Variants in TMEM175 observed in about 807,000 individuals in gnomAD.
TMEM175 encodes the protein transmembrane protein 175, also known as endosomal/lysosomal proton channel TMEM175.
In TMEM175, 36 loss-of-function variants were observed where a neutral mutation model predicts 36.5. The observed-to-expected ratio is 0.99, with a 90% CI of 0.76 to 1.30. TMEM175 has a LOEUF of 1.30. Among genes scored for constraint, TMEM175 ranks in the 50% most tolerant of loss-of-function variants. The probability of loss-of-function intolerance (pLI) is 0.00; values close to 1 mark genes in which losing one functional copy is unlikely to be tolerated. For synonymous variants in TMEM175, 339 were observed against 313.4 expected, an observed-to-expected ratio of 1.08 and a Z score of -0.86; for missense variants, 705 against 692.8, an observed-to-expected ratio of 1.02 and a Z score of -0.20.
chr4:939,183 A>G (rs1577385400), intron 1 of TMEM175, among the ~76,000 whole-genome samples: 1 of 152,282 alleles, frequency 6.6e-6, no homozygotes, highest in Admixed American at 6.5e-5. Context: ...ACAGGTATCT[A>G]TGCTGAATTG....
At chr4:953,975 C>T (rs148124130) in intron 8 of TMEM175, among the ~76,000 whole-genome samples, 9 of 152,024 alleles carry the variant, frequency 5.9e-5, no homozygotes, top group East Asian at 1.9e-4. Context: ...TGAGCCACCA[C>T]GCCAGCCTTT....
At chr4:943,261 T>A (rs1727741794) in intron 1 of TMEM175, among the ~76,000 whole-genome samples, 1 of 152,154 alleles carries the variant, frequency 6.6e-6, no homozygotes, top group African/African-American at 2.4e-5. Context: ...ATTATTACTA[T>A]TTTTTTCCTA....
At chr4:954,045 C>T (rs973069007) in intron 8 of TMEM175, among the ~76,000 whole-genome samples, 1 of 151,350 alleles carries the variant, frequency 6.6e-6, no homozygotes, top group Non-Finnish European at 1.5e-5. Context: ...CTGGAGTGCA[C>T]TGGCGCAATC....
chr4:944,215 C>T (rs963727319), intron 1 of TMEM175, among the ~76,000 whole-genome samples: 1 of 152,168 alleles, frequency 6.6e-6, no homozygotes, highest in Non-Finnish European at 1.5e-5. Flanking sequence ...ATCGCTTGAA[C>T]CCAGGAGGCG....
rs757764013 is a variant in TMEM175, at chr4:952,467, G to A, written c.462+17G>A. The A allele has an allele frequency of 6.6e-6, 10 of 1,525,250 alleles. No homozygotes were observed. Among genetic ancestry groups the A allele is most frequent in the East Asian group, 2.3e-5 (1 of 43,068 alleles). 94.5% of individuals were successfully genotyped at this position (1,525,250 alleles called of 1,614,324 possible). On this transcript the variant is annotated intron_variant, in intron 7 of 10. Transcript: ENST00000264771. ...GTCGTGCAGGTAGGGGGCCTGGGGG[G>A]CCTGCACTGTGTGTGTGTGTGTGTG...
chr4:955,680 G>C, intron 9 of TMEM175, 75 bp from the exon 10 acceptor site: 2 of 1,569,544 alleles, frequency 1.3e-6, no homozygotes, highest in Middle Eastern at 2.2e-4. Context: ...TCATGGATGA[G>C]GGCGGTGACA....
Position 947,798 on chromosome 4 carries a change from G to T in TMEM175, c.59G>T (p.Gly20Val). 2 of 1,613,132 alleles carry T rather than the reference G, an allele frequency of 1.2e-6. No individual in the cohort carries two copies. Among genetic ancestry groups the T allele is most frequent in the Non-Finnish European group, 1.7e-6 (2 of 1,179,990 alleles). ...GATACACCGGGGGACTGCCCCCCAG[G>T]CAGGAGAGACGAGGACGCTGGGGAG... is the stretch of plus-strand genomic sequence containing the variant. ...ALDTPGDCPP[G>V]RRDEDAGEGI... The change falls in exon 2 of 11, where the codon GGC becomes GTC. Residue 20 changes from glycine to valine, a missense_variant. Transcript: ENST00000264771.
intron 10 of TMEM175, among the ~76,000 whole-genome samples, chr4:957,361 T>G (rs1033947664): frequency 6.6e-6 from 1 of 152,070 alleles, no homozygotes. Context: ...GGAGTTGGCC[T>G]CCTGAGACCC....
intron 10 of TMEM175, among the ~76,000 whole-genome samples, chr4:957,107 G>A (rs1729765900): frequency 6.6e-6 from 1 of 152,200 alleles, no homozygotes; most frequent in Non-Finnish European, 1.5e-5. Context: ...GGCCAGGGGA[G>A]CTGCCCCCTC....
Position 948,403 on chromosome 4 carries a change from G to A in TMEM175, c.192+249G>A, listed in dbSNP as rs115936993. 5.9e-4 allele frequency: 901 copies of A among 1,524,594 alleles called. 6 individuals are homozygous for A. In the African/African-American group the frequency reaches 0.011, roughly 18 times the overall value. The allele number at this position is 1,524,594 out of a possible 1,614,324, so 94.4% of individuals were successfully genotyped here. ...ACTGGGCTCCTAGGGCTCTGTTTCC[G>A]AGTTCAGTGGACAAAGGCAGCACCC... is the stretch of plus-strand genomic sequence containing the variant. On this transcript the variant is annotated intron_variant, in intron 3 of 10. Transcript: ENST00000264771.
chr4:945,760 T>C (rs552418384), intron 1 of TMEM175, among the ~76,000 whole-genome samples: 112 of 152,128 alleles, frequency 7.4e-4, no homozygotes, highest in African/African-American at 2.6e-3. Flanking sequence ...GCTTGTCACC[T>C]CCCGCTGGTG....
chr4:952,695 C>CTG (rs1729092734), intron 7 of TMEM175, among the ~76,000 whole-genome samples: 1 of 129,304 alleles, frequency 7.7e-6, no homozygotes, highest in Non-Finnish European at 1.6e-5. Flanking sequence ...GGGTCCTGTG[C>CTG]TCTGTGTGTG....
chr4:948,097 T>C lies in TMEM175; in HGVS notation c.154-19T>C, dbSNP rs535296366. On this transcript the variant is annotated intron_variant, in intron 2 of 10. Transcript: ENST00000264771. ...CGTCTCTTGCTCTCCTGCTTCCTTC[T>C]GTCTCTTTGCCCCCTCAGATCCTGC... The C allele has an allele frequency of 3.1e-6, 5 of 1,614,110 alleles. No individual in the cohort carries two copies. In the South Asian group the frequency reaches 5.5e-5, roughly 18 times the overall value.
intron 1 of TMEM175, among the ~76,000 whole-genome samples, chr4:936,982 A>C (rs1470677410): frequency 6.6e-6 from 1 of 151,998 alleles, no homozygotes; most frequent in African/African-American, 2.4e-5. Context: ...ATTGTGTTGT[A>C]TGAAAGGATG....
intron 5 of TMEM175, 134 bp from the exon 6 acceptor site, chr4:951,548 G>A (rs1728889667): frequency 4.2e-6 from 5 of 1,179,060 alleles, no homozygotes; most frequent in Admixed American, 1.8e-5. Context: ...AGGGTCTGGG[G>A]GCTGGACTCA....
At chr4:957,617 A>G (rs938118759) in intron 10 of TMEM175, among the ~76,000 whole-genome samples, 5 of 152,258 alleles carry the variant, frequency 3.3e-5, no homozygotes, top group African/African-American at 1.2e-4. Flanking sequence ...GCCAGTTTCT[A>G]TGGAATTTCA....
At chr4:945,024 G>A (rs868451318) in intron 1 of TMEM175, among the ~76,000 whole-genome samples, 4 of 152,156 alleles carry the variant, frequency 2.6e-5, no homozygotes, top group Non-Finnish European at 5.9e-5. Context: ...GATCACTTGA[G>A]CCTAGGAGGT....
chr4:935,977 C>T (rs186253277), intron 1 of TMEM175, among the ~76,000 whole-genome samples: 1 of 152,190 alleles, frequency 6.6e-6, no homozygotes, highest in East Asian at 1.9e-4. Flanking sequence ...GAAAATGCAG[C>T]ATTTAAAACT....
rs1450458324 is a variant in TMEM175 at position 937,901 on chromosome 4, A to G, written c.-32+5361A>G. On this transcript the variant is annotated intron_variant, in intron 1 of 10. Transcript: ENST00000264771. ...TGGCTTAGCATTTGAAAGTTTATCAATGTAATTCACACTCTTGAGAGTGAA... is the reference window on the plus strand; with the variant it reads ...TGGCTTAGCATTTGAAAGTTTATCAGTGTAATTCACACTCTTGAGAGTGAA... Among the ~76,000 whole-genome samples, 9 of 152,334 alleles carry G rather than the reference A, an allele frequency of 5.9e-5. No individual in the cohort carries two copies. In the South Asian group the frequency reaches 6.2e-4, roughly 11 times the overall value.
Sources: gnomAD v4.1 joint callset for allele counts (sites outside exome capture counted in the v4.1 genomes callset) on GRCh38, gnomAD v4.1.1 for gene constraint, MANE v1.5 for transcripts, NCBI Gene and HGNC (gene_info 2026-07-23, HGNC 2026-07-21) for gene names.